The following TJP1 variants were observed in gnomAD, a reference collection of about 807,000 sequenced individuals.
TJP1 encodes the protein tight junction protein 1.
TJP1 carries 43 observed loss-of-function variants against 194.2 expected under a neutral mutation model. The ratio of observed to expected loss-of-function variants is 0.22; its 90% CI spans 0.17 to 0.29. The LOEUF (loss-of-function observed/expected upper bound fraction) is 0.29, where lower values mean the gene tolerates loss of function less well. Ranked by LOEUF, TJP1 falls within the 10% of genes least tolerant of loss-of-function variation. The pLI, the probability that TJP1 is intolerant of heterozygous loss-of-function variation, is 1.00. For synonymous variants in TJP1, 801 were observed against 779.0 expected (o/e 1.03, Z -0.47); for missense variants, 1,971 against 2,185.7 (o/e 0.90, Z 1.96).
chr15:29,721,677 C>G (rs757268546), intron 18 of TJP1, among the ~76,000 whole-genome samples: 3 of 152,130 alleles, frequency 2.0e-5, no homozygotes, highest in Non-Finnish European at 4.4e-5. Context: ...GTTTGGAGGG[C>G]TCAAGAGAAG....
Position 29,837,820 on chromosome 15 carries a change from G to T in TJP1, c.307-37118C>A, listed in dbSNP as rs75856062. 1.3e-3 allele frequency among the ~76,000 whole-genome samples: 192 copies of T among 152,248 alleles called. 3 individuals carry two copies. The East Asian group carries it at 0.022, about 17-fold the overall frequency. ...ACACTTCTTTGAACTGCCTGCAGTG[G>T]TAAGACATATCTCTTTTGACTTGCA... On this transcript the variant is annotated intron_variant, in intron 2 of 28. Transcript: ENST00000356107.
At chr15:29,894,465 T>C (rs1048515831) in intron 2 of TJP1, among the ~76,000 whole-genome samples, 1 of 152,100 alleles carries the variant, frequency 6.6e-6, no homozygotes. Context: ...TCTCAAAAAA[T>C]ATATATGCAA....
chr15:29,712,740 TATCAA>T (rs1281748185), intron 23 of TJP1, among the ~76,000 whole-genome samples: 1 of 151,774 alleles, frequency 6.6e-6, no homozygotes, highest in African/African-American at 2.4e-5. Flanking sequence ...CAAAGAAATT[TATCAA>T]ATCAAAGAGT....
intron 15 of TJP1, among the ~76,000 whole-genome samples, chr15:29,730,484 C>T (rs373029906): frequency 3.9e-5 from 6 of 151,948 alleles, no homozygotes; most frequent in African/African-American, 1.2e-4. Context: ...GTAGTCCTAG[C>T]TGCTTGGAAG....
chr15:29,824,832 A>G (rs2050630168), upstream of TJP1, among the ~76,000 whole-genome samples: 1 of 152,204 alleles, frequency 6.6e-6, no homozygotes, highest in South Asian at 2.1e-4. Context: ...TGTAATTTAA[A>G]TGCTAGATTG....
At chr15:29,870,460 T>C (rs535542433) in intron 2 of TJP1, among the ~76,000 whole-genome samples, 8 of 152,322 alleles carry the variant, frequency 5.3e-5, no homozygotes, top group African/African-American at 1.9e-4. Context: ...GTCAGGCATT[T>C]AGCAAGCTGG....
chr15:29,833,334 C>T (rs1441823475), intron 2 of TJP1, among the ~76,000 whole-genome samples: 1 of 152,008 alleles, frequency 6.6e-6, no homozygotes, highest in Non-Finnish European at 1.5e-5. Context: ...AAATACTATA[C>T]TTGTAAAAGA....
At position 29,742,732 on chromosome 15, in the gene TJP1, T is replaced by C. The variant is rs1162688967; in HGVS notation, c.1060A>G (p.Thr354Ala). Residue 354 changes from threonine to alanine, a missense_variant, in exon 9 of 28, where the codon ACT (threonine) becomes GCT (alanine). Coordinates refer to ENST00000614355, the MANE Select transcript of TJP1 (RefSeq NM_001330239.4). ...TGATCATCAGCATGCTTTACAGGAG[T>C]TGAGACAGCCCCAGGTTTAGAAATT... ...ERISKPGAVS[T>A]PVKHADDHTP... The C allele has an allele frequency of 2.5e-6, 4 of 1,606,704 alleles. No homozygotes were observed. Among genetic ancestry groups the C allele is most frequent in the Non-Finnish European group, 3.4e-6 (4 of 1,177,122 alleles).
rs559504395 is a variant in TJP1 at position 29,776,791 on chromosome 15, C to CT, written c.85-3435dup. 8.5e-4 allele frequency among the ~76,000 whole-genome samples: 129 copies of CT among 152,218 alleles called. 2 individuals are homozygous for CT. The East Asian group carries it at 0.018, about 22-fold the overall frequency. On this transcript the variant is annotated intron_variant, in intron 2 of 27. Coordinates refer to ENST00000614355, the MANE Select transcript of TJP1 (RefSeq NM_001330239.4). ...TCACTATCAAGGTTATCAAAAGAGT[C>CT]TTTAAGTACTGAAAAGCTACTGAGC...
At position 29,760,137 on chromosome 15, in the gene TJP1, T is replaced by C. The variant is rs775902955; in HGVS notation, c.1010+1002A>G. ...AACTGTCTCTTCAGCCCTGGACTCA[T>C]GTTTCAAGTGATCTTCATGTGGACT... On this transcript the variant is annotated intron_variant, in intron 8 of 27. Coordinates refer to ENST00000614355, the MANE Select transcript of TJP1 (RefSeq NM_001330239.4). The C allele has an allele frequency of 2.0e-5, 14 of 688,342 alleles. No homozygotes were observed. In the South Asian group the frequency reaches 2.1e-4, roughly 11 times the overall value. 42.6% of individuals were successfully genotyped at this position (688,342 alleles called of 1,614,324 possible).
chr15:29,719,096 T>A lies in TJP1; in HGVS notation c.3046A>T (p.Asn1016Tyr), dbSNP rs773960553. The A allele has an allele frequency of 9.9e-6, 16 of 1,613,824 alleles. No homozygotes were observed. The highest frequency in any genetic ancestry group is 1.3e-5 in the Non-Finnish European group (15 of 1,179,990). The change falls in exon 21 of 28, where the codon AAC becomes TAC. Residue 1016 changes from asparagine (N) to tyrosine (Y), a missense_variant. Physicochemically the swap from Asn to Tyr is moderately radical, Grantham distance 143. Coordinates refer to ENST00000614355, the MANE Select transcript of TJP1 (RefSeq NM_001330239.4). ...DPYPEEMMRQ[N>Y]HVLKQPAVSH... The stretch of plus-strand genomic sequence containing the variant: ...ACGGCTGGCTGTTTCAAAACATGGT[T>A]CTGCCTCATCATTTCCTCGGGATAT...
intron 15 of TJP1, chr15:29,728,307 C>T (rs1423754524): frequency 3.4e-6 from 1 of 290,760 alleles, no homozygotes; most frequent in African/African-American, 2.2e-5. Flanking sequence ...TAATATGGCT[C>T]AACAGGGCAC....
At chr15:29,711,840 G>A (rs1453336392) in intron 23 of TJP1, among the ~76,000 whole-genome samples, 1 of 152,156 alleles carries the variant, frequency 6.6e-6, no homozygotes, top group Admixed American at 6.5e-5. Flanking sequence ...TGCGGTTATA[G>A]CCTTGAAGCA....
chr15:29,716,524 CTTAAA>C (rs1325933940), intron 23 of TJP1, 82 bp downstream of exon 23: 4 of 1,011,318 alleles, frequency 4.0e-6, no homozygotes, highest in African/African-American at 3.2e-5. Context: ...ATATATTACA[CTTAAA>C]TTATTTTTCT....
At chr15:29,878,509 T>C (rs1284798907) in intron 2 of TJP1, among the ~76,000 whole-genome samples, 1 of 152,106 alleles carries the variant, frequency 6.6e-6, no homozygotes, top group South Asian at 2.1e-4. Flanking sequence ...TTATGTCAGA[T>C]CATTCTGATA....
At chr15:29,932,245 T>G (rs2054742093) in intron 2 of TJP1, among the ~76,000 whole-genome samples, 1 of 152,200 alleles carries the variant, frequency 6.6e-6, no homozygotes, top group Non-Finnish European at 1.5e-5. Flanking sequence ...TCAAGATTTG[T>G]TATACAATTA....
intron 1 of TJP1, among the ~76,000 whole-genome samples, chr15:29,801,463 ATTTT>A (rs11334228): frequency 7.6e-6 from 1 of 131,888 alleles, no homozygotes; most frequent in Admixed American, 7.7e-5. Flanking sequence ...ATAAATTATT[ATTTT>A]TTTTTTTTTT....
Position 29,822,431 on chromosome 15 carries a change from T to G in TJP1, c.-403A>C, listed in dbSNP as rs1233468193. The G allele has an allele frequency of 1.0e-6, 1 of 988,418 alleles. No individual in the cohort carries two copies. Among genetic ancestry groups the G allele is most frequent in the Non-Finnish European group, 1.2e-6 (1 of 832,204 alleles). 61.2% of individuals were successfully genotyped at this position (988,418 alleles called of 1,614,324 possible). A position where few individuals can be genotyped will look rare whatever the true frequency, so the allele number is the denominator to read the frequency against. ...CCGGCGGCCGCCAAGGAACGCGGCG[T>G]CCGCTGGCTCAGCCGGCGCCGGCAA... On this transcript the variant is annotated 5_prime_UTR_variant, in exon 1 of 28. Transcript: ENST00000614355.
chr15:29,726,562 C>T (rs749409277), intron 17 of TJP1, 83 bp from the exon 18 acceptor site: 176 of 1,342,540 alleles, frequency 1.3e-4, no homozygotes, highest in Admixed American at 5.1e-4. Flanking sequence ...ACAGCTAAAT[C>T]GTCATTACTG....
Sources: allele counts gnomAD v4.1 joint callset (sites outside exome capture counted in the v4.1 genomes callset), GRCh38; gene constraint gnomAD v4.1.1; transcripts MANE v1.5; gene names NCBI Gene and HGNC (gene_info 2026-07-23, HGNC 2026-07-21).